The following CHST9 variants were observed in gnomAD, a reference collection of about 807,000 sequenced individuals.
CHST9 encodes carbohydrate sulfotransferase 9.
CHST9 carries 41 observed loss-of-function variants against 44.4 expected under a neutral mutation model. The observed-to-expected ratio is 0.92, with a 90% CI of 0.72 to 1.20. The LOEUF is 1.20. Ranked by LOEUF, CHST9 falls within the 50% of genes most tolerant of loss-of-function variation. CHST9 has a pLI of 0.00. For missense variants in CHST9, 504 were observed against 516.5 expected, an observed-to-expected ratio of 0.98 and a Z score of 0.23; for synonymous variants, 171 against 178.4, an observed-to-expected ratio of 0.96 and a Z score of 0.33.
chr18:27,163,566 C>A (rs910719101), intron 1 of CHST9, among the ~76,000 whole-genome samples: 1 of 152,200 alleles, frequency 6.6e-6, no homozygotes, highest in Admixed American at 6.5e-5. Context: ...TCTCAGACTG[C>A]TGTGCTAGCA....
Position 27,097,551 on chromosome 18 carries a change from A to G in CHST9, c.121+45138T>C, listed in dbSNP as rs2058129363. 1.3e-5 allele frequency among the ~76,000 whole-genome samples: 2 copies of G among 152,082 alleles called. 1 individual carries two copies. Among genetic ancestry groups the G allele is most frequent in the South Asian group, 4.1e-4 (2 of 4,836 alleles). On this transcript the variant is annotated intron_variant, in intron 2 of 5. Transcript: ENST00000618847. ...TGATAAATGACTTTACTATGGTTTC[A>G]GGGTATAAAATCAATATAAAAGTTC...
intron 3 of CHST9, among the ~76,000 whole-genome samples, chr18:27,046,546 G>A (rs992080386): frequency 1.4e-4 from 21 of 151,362 alleles, no homozygotes; most frequent in Non-Finnish European, 2.9e-5. Flanking sequence ...GAACTAAGAT[G>A]TAAAAAATTC....
At chr18:26,997,487 G>T (rs1170346597) in intron 4 of CHST9, among the ~76,000 whole-genome samples, 3 of 152,196 alleles carry the variant, frequency 2.0e-5, no homozygotes, top group African/African-American at 7.2e-5. Context: ...CCACTATGTA[G>T]TGATGAGATT....
At chr18:27,165,110 C>T (rs1045829318) in intron 1 of CHST9, among the ~76,000 whole-genome samples, 2 of 152,078 alleles carry the variant, frequency 1.3e-5, no homozygotes, top group Non-Finnish European at 2.9e-5. Flanking sequence ...GCAAGCATTT[C>T]AAATTGGAGC....
At chr18:27,073,296 C>G (rs2057861706) in intron 2 of CHST9, among the ~76,000 whole-genome samples, 1 of 151,194 alleles carries the variant, frequency 6.6e-6, no homozygotes, top group Non-Finnish European at 1.5e-5. Flanking sequence ...GCTGGCCTGG[C>G]TGAGGCATTT....
chr18:27,142,825 A>G lies in CHST9; in HGVS notation c.-16T>C, dbSNP rs761709795. 7 of 1,594,938 alleles carry G rather than the reference A, an allele frequency of 4.4e-6. No individual in the cohort carries two copies. The highest frequency in any genetic ancestry group is 6.0e-6 in the Non-Finnish European group (7 of 1,173,056). On this transcript the variant is annotated 5_prime_UTR_variant, in exon 2 of 6. Coordinates refer to ENST00000618847, the MANE Select transcript of CHST9 (RefSeq NM_031422.6). ...ATGGCTGCATTTCTCCTTATTTCAG[A>G]ATCTGAAGACCACATGATTTGTTTT...
intron 5 of CHST9, chr18:26,925,933 A>C (rs2055759171): frequency 6.6e-6 from 1 of 152,168 alleles, no homozygotes; most frequent in African/African-American, 2.4e-5. Context: ...AACATGTAGC[A>C]AAGTTAAATG....
At chr18:27,014,457 A>AG (rs1568133404) in intron 4 of CHST9, among the ~76,000 whole-genome samples, 2 of 27,356 alleles carry the variant, frequency 7.3e-5, no homozygotes, top group Non-Finnish European at 1.4e-4. Flanking sequence ...CTGTCTCAAA[A>AG]AAAAAAAAAA....
rs549192834 is a variant in CHST9 at position 26,961,630 on chromosome 18, A to G, written c.203-17264T>C. Reference sequence around the variant, plus strand: ...TGTGTAGAGATGAAGGTCTTGCTTTATTGTTCAGGCTGTTCCCAAACTCCT... The same window carrying G: ...TGTGTAGAGATGAAGGTCTTGCTTTGTTGTTCAGGCTGTTCCCAAACTCCT... On this transcript the variant is annotated intron_variant, in intron 4 of 5. Coordinates refer to ENST00000618847, the MANE Select transcript of CHST9 (RefSeq NM_031422.6). Among the ~76,000 whole-genome samples the G allele has an allele frequency of 7.9e-5, 12 of 152,046 alleles. 1 individual carries two copies. In the South Asian group the frequency reaches 2.1e-3, roughly 26 times the overall value.
At chr18:27,000,533 A>AG (rs1398271423) in intron 4 of CHST9, among the ~76,000 whole-genome samples, 2 of 152,196 alleles carry the variant, frequency 1.3e-5, no homozygotes, top group Non-Finnish European at 2.9e-5. Flanking sequence ...CATAAGATGA[A>AG]GCCCTAGCCT....
chr18:27,062,382 A>G (rs965395294), intron 2 of CHST9, among the ~76,000 whole-genome samples: 8 of 152,040 alleles, frequency 5.3e-5, no homozygotes, highest in East Asian at 3.9e-4. Flanking sequence ...TCATTGTTCA[A>G]TTCCCACCTA....
At chr18:27,135,616 T>C (rs1401316092) in intron 2 of CHST9, among the ~76,000 whole-genome samples, 2 of 152,208 alleles carry the variant, frequency 1.3e-5, no homozygotes, top group African/African-American at 4.8e-5. Context: ...TGACTGAATA[T>C]TAAAATCACC....
At chr18:26,927,332 G>A (rs751767983) in intron 5 of CHST9, among the ~76,000 whole-genome samples, 1 of 152,026 alleles carries the variant, frequency 6.6e-6, no homozygotes, top group African/African-American at 2.4e-5. Flanking sequence ...GGGGGCGGGG[G>A]TACGAGAGAC....
chr18:27,013,168 C>T (rs1427064960), intron 4 of CHST9, among the ~76,000 whole-genome samples: 2 of 152,162 alleles, frequency 1.3e-5, no homozygotes, highest in Non-Finnish European at 2.9e-5. Flanking sequence ...TGCAGTGTAT[C>T]CAATAGCAAC....
chr18:27,179,641 T>A (rs1424696706), intron 1 of CHST9, among the ~76,000 whole-genome samples: 1 of 152,088 alleles, frequency 6.6e-6, no homozygotes, highest in Non-Finnish European at 1.5e-5. Flanking sequence ...ATATTCCATA[T>A]AAAGTTTATG....
At chr18:27,006,347 G>A (rs1288321371) in intron 4 of CHST9, among the ~76,000 whole-genome samples, 1 of 152,144 alleles carries the variant, frequency 6.6e-6, no homozygotes, top group Non-Finnish European at 1.5e-5. Context: ...TATATTCATA[G>A]AAAGAAGTCC....
At chr18:27,002,660 G>C (rs1462787549) in intron 4 of CHST9, among the ~76,000 whole-genome samples, 1 of 152,136 alleles carries the variant, frequency 6.6e-6, no homozygotes, top group African/African-American at 2.4e-5. Context: ...AGGTAGGTTA[G>C]GTGTATTAAA....
chr18:27,163,851 G>A (rs2058768769), intron 1 of CHST9, among the ~76,000 whole-genome samples: 1 of 152,156 alleles, frequency 6.6e-6, no homozygotes, highest in Non-Finnish European at 1.5e-5. Flanking sequence ...TCCCCAATGA[G>A]ATGAACCCTG....
chr18:27,024,307 G>A, intron 3 of CHST9, 150 bp from the exon 4 acceptor site: 1 of 639,908 alleles, frequency 1.6e-6, no homozygotes, highest in Non-Finnish European at 2.6e-6. Flanking sequence ...AATAAAATGT[G>A]TCATCCCCTG....
Sources: allele counts gnomAD v4.1 joint callset (sites outside exome capture counted in the v4.1 genomes callset), GRCh38; gene constraint gnomAD v4.1.1; transcripts MANE v1.5; gene names NCBI Gene and HGNC (gene_info 2026-07-23, HGNC 2026-07-21).